Variants in KIAA1217 observed in about 807,000 individuals in gnomAD.
KIAA1217 encodes the protein sickle tail protein homolog.
A neutral mutation model predicts 163.9 loss-of-function variants in KIAA1217; 88 were observed. The observed-to-expected ratio is 0.54, with a 90% confidence interval of 0.45 to 0.64. The LOEUF (loss-of-function observed/expected upper bound fraction) is 0.64. Among genes scored for constraint, KIAA1217 ranks in the 30% least tolerant of loss-of-function variants. The probability of loss-of-function intolerance (pLI) is 0.00; values close to 1 mark genes in which losing one functional copy is unlikely to be tolerated. For missense variants in KIAA1217, 2,372 were observed against 2,475.0 expected (o/e 0.96, Z 0.88); for synonymous variants, 903 against 923.1 (o/e 0.98, Z 0.39).
intron 2 of KIAA1217, among the ~76,000 whole-genome samples, chr10:24,231,971 C>A (rs189407699): frequency 6.6e-6 from 1 of 152,054 alleles, no homozygotes; most frequent in African/African-American, 2.4e-5. Flanking sequence ...TCTTTGTATT[C>A]TTAGTAGAGA....
intron 1 of KIAA1217, among the ~76,000 whole-genome samples, chr10:23,980,586 G>A (rs1190126663): frequency 1.3e-5 from 2 of 152,098 alleles, no homozygotes; most frequent in African/African-American, 4.8e-5. Context: ...GATGAAAAAA[G>A]GAGGAAGACA....
At chr10:24,036,569 G>A (rs1313634902) in intron 2 of KIAA1217, among the ~76,000 whole-genome samples, 2 of 152,200 alleles carry the variant, frequency 1.3e-5, no homozygotes, top group African/African-American at 4.8e-5. Flanking sequence ...GGCTGTACAT[G>A]AAGCATAGTG....
At chr10:24,439,479 A>G (rs915487063) in intron 5 of KIAA1217, among the ~76,000 whole-genome samples, 3 of 152,154 alleles carry the variant, frequency 2.0e-5, no homozygotes, top group Non-Finnish European at 4.4e-5. Flanking sequence ...CTGATAGTAC[A>G]TATTAGTTTC....
At chr10:24,500,399 T>TGTGTGTGTGG (rs1401540826) in intron 8 of KIAA1217, among the ~76,000 whole-genome samples, 2 of 144,884 alleles carry the variant, frequency 1.4e-5, no homozygotes, top group African/African-American at 5.3e-5. Context: ...AGTGTGTGCG[T>TGTGTGTGTGG]GTGTGTGTGT....
intron 2 of KIAA1217, among the ~76,000 whole-genome samples, chr10:24,263,098 T>A (rs1222428747): frequency 5.3e-5 from 8 of 152,232 alleles, no homozygotes; most frequent in Admixed American, 5.2e-4. Context: ...GGTTGTTCAT[T>A]CCAGTTTTCC....
At chr10:24,313,342 A>G (rs1485856435) in intron 2 of KIAA1217, among the ~76,000 whole-genome samples, 2 of 152,224 alleles carry the variant, frequency 1.3e-5, no homozygotes, top group Non-Finnish European at 2.9e-5. Flanking sequence ...CTGACGTGAC[A>G]AAGTGCTCTT....
intron 2 of KIAA1217, among the ~76,000 whole-genome samples, chr10:24,226,965 C>A (rs2070651853): frequency 6.6e-6 from 1 of 152,066 alleles, no homozygotes. Context: ...TCAATCTTTA[C>A]TCCCAGTTAT....
At chr10:23,978,515 G>A (rs1445034571) in intron 1 of KIAA1217, among the ~76,000 whole-genome samples, 1 of 152,102 alleles carries the variant, frequency 6.6e-6, no homozygotes, top group African/African-American at 2.4e-5. Flanking sequence ...TTGAATTCAT[G>A]CCAGGCTTTC....
intron 2 of KIAA1217, among the ~76,000 whole-genome samples, chr10:24,058,223 T>TG (rs1480458044): frequency 6.6e-6 from 1 of 152,242 alleles, no homozygotes; most frequent in Non-Finnish European, 1.5e-5. Flanking sequence ...GGTTCATTTC[T>TG]GGGCTTTCAG....
intron 2 of KIAA1217, among the ~76,000 whole-genome samples, chr10:24,111,479 T>C (rs2062842336): frequency 6.6e-6 from 1 of 152,154 alleles, no homozygotes; most frequent in Non-Finnish European, 1.5e-5. Flanking sequence ...GAAAAAAAAA[T>C]CCTTGCTTAT....
Position 23,706,545 on chromosome 10 carries a change from C to T in KIAA1217, c.-321+11311C>T, listed in dbSNP as rs532814585. On this transcript the variant is annotated intron_variant, in intron 1 of 18. Transcript: ENST00000376462. ...TTAAGATGATTATTTGATTTTTATT[C>T]TTTATTATATTAATATTACATATTA... Among the ~76,000 whole-genome samples the T allele has an allele frequency of 5.9e-5, 9 of 152,054 alleles. No homozygotes were observed. The South Asian group carries it at 1.0e-3, about 17-fold the overall frequency.
intron 2 of KIAA1217, among the ~76,000 whole-genome samples, chr10:24,202,321 G>C (rs777088550): frequency 6.6e-6 from 1 of 152,190 alleles, no homozygotes; most frequent in Non-Finnish European, 1.5e-5. Flanking sequence ...TGTTTCGCTG[G>C]CCCTGGGAGG....
At chr10:24,198,754 C>T (rs771823297) in intron 2 of KIAA1217, among the ~76,000 whole-genome samples, 13 of 152,140 alleles carry the variant, frequency 8.5e-5, no homozygotes, top group Non-Finnish European at 1.8e-4. Flanking sequence ...CAAAAATCTA[C>T]GGCTTCTCTG....
At chr10:24,458,999 A>G (rs537969828) in intron 5 of KIAA1217, among the ~76,000 whole-genome samples, 7 of 151,954 alleles carry the variant, frequency 4.6e-5, no homozygotes, top group African/African-American at 1.7e-4. Context: ...TTAGAAATAC[A>G]GATTCCTCGG....
At chr10:24,406,078 C>T (rs1001863480) in intron 3 of KIAA1217, among the ~76,000 whole-genome samples, 1 of 152,150 alleles carries the variant, frequency 6.6e-6, no homozygotes. Context: ...TCACATCTTC[C>T]CTTTCCTTTC....
intron 2 of KIAA1217, among the ~76,000 whole-genome samples, chr10:24,161,341 T>C (rs1004145977): frequency 1.3e-5 from 2 of 152,218 alleles, no homozygotes; most frequent in Non-Finnish European, 2.9e-5. Context: ...GTTTCAGGCA[T>C]TGTGGGAAGG....
rs184252358 is a variant in KIAA1217, at chr10:23,841,482, A to G, written c.-321+146248A>G. 2.0e-3 allele frequency among the ~76,000 whole-genome samples: 298 copies of G among 152,304 alleles called. 1 individual carries two copies. Among genetic ancestry groups the G allele is most frequent in the African/African-American group, 6.7e-3 (279 of 41,564 alleles). The stretch of plus-strand genomic sequence containing the variant: ...AAAGCACCCAAAAGACATTTATGCA[A>G]AAGACATTATATATGGGAATGATCT... On this transcript the variant is annotated intron_variant, in intron 1 of 18. Coordinates refer to the KIAA1217 transcript ENST00000376462.
chr10:23,783,990 T>A (rs1335232657), intron 1 of KIAA1217, among the ~76,000 whole-genome samples: 5 of 151,456 alleles, frequency 3.3e-5, no homozygotes, highest in Non-Finnish European at 7.4e-5. Context: ...ATTTATTTAT[T>A]AAAAAAAAAC....
intron 2 of KIAA1217, among the ~76,000 whole-genome samples, chr10:24,245,773 A>C (rs2131381599): frequency 6.6e-6 from 1 of 150,918 alleles, no homozygotes; most frequent in South Asian, 2.1e-4. Flanking sequence ...CTGGGACTGC[A>C]GGCATGTACC....
Sources: allele counts gnomAD v4.1 joint callset (sites outside exome capture counted in the v4.1 genomes callset), GRCh38; gene constraint gnomAD v4.1.1; transcripts MANE v1.5; gene names NCBI Gene and HGNC (gene_info 2026-07-23, HGNC 2026-07-21).